CNTLN: variants seen among roughly 807,000 people sequenced by gnomAD.
CNTLN encodes the protein centlein, centrosomal protein.
A neutral mutation model predicts 180.0 loss-of-function variants in CNTLN; 212 were observed. The ratio of observed to expected loss-of-function variants is 1.18; its 90% CI spans 1.05 to 1.32. The LOEUF is 1.32. CNTLN is among the 40% of genes most tolerant of loss of function. The probability of loss-of-function intolerance (pLI) is 0.00; values close to 1 mark genes in which losing one functional copy is unlikely to be tolerated. For synonymous variants in CNTLN, 722 were observed against 563.1 expected (o/e 1.28, Z -3.99); for missense variants, 2,095 against 1,610.9 (o/e 1.30, Z -5.14).
chr9:17,154,802 C>T (rs373891988), intron 2 of CNTLN, among the ~76,000 whole-genome samples: 61 of 152,268 alleles, frequency 4.0e-4, no homozygotes, highest in African/African-American at 1.2e-3. Flanking sequence ...ATTATCAGGA[C>T]GTGGGCGGGG....
At chr9:17,137,189 C>T (rs1218227051) in intron 1 of CNTLN, among the ~76,000 whole-genome samples, 3 of 152,114 alleles carry the variant, frequency 2.0e-5, no homozygotes, top group African/African-American at 4.8e-5. Context: ...TGTAAGAATA[C>T]AGAGATGGTC....
At chr9:17,294,516 C>T (rs755889236) in intron 6 of CNTLN, among the ~76,000 whole-genome samples, 4 of 151,220 alleles carry the variant, frequency 2.6e-5, no homozygotes, top group Non-Finnish European at 5.9e-5. Context: ...TGTTCACAAA[C>T]CTTGAGCTAG....
At chr9:17,275,422 G>C (rs934760012) in intron 6 of CNTLN, among the ~76,000 whole-genome samples, 1 of 151,968 alleles carries the variant, frequency 6.6e-6, no homozygotes, top group African/African-American at 2.4e-5. Flanking sequence ...TTCACTAATT[G>C]ATCAACTACT....
rs566593527 is a variant in CNTLN, at chr9:17,467,540, A to G, written c.3855+649A>G. Among the ~76,000 whole-genome samples the G allele has an allele frequency of 2.6e-5, 4 of 151,798 alleles. No individual in the cohort carries two copies. The East Asian group carries it at 5.8e-4, about 22-fold the overall frequency. ...TTGGGAGTTTTCTCATTTTAAAAAT[A>G]TCTGCAAAATGAATTGATAAAACAT... On this transcript the variant is annotated intron_variant, in intron 23 of 25. Transcript: ENST00000380647.
intron 12 of CNTLN, among the ~76,000 whole-genome samples, chr9:17,351,742 T>C (rs1013880638): frequency 6.6e-6 from 1 of 152,192 alleles, no homozygotes; most frequent in African/African-American, 2.4e-5. Flanking sequence ...TCTTCATATC[T>C]ATTTTCAACA....
the CNTLN span, among the ~76,000 whole-genome samples, chr9:17,517,400 CAA>C: frequency 8.6e-6 from 1 of 115,884 alleles, no homozygotes; most frequent in African/African-American, 3.0e-5. Context: ...TCAAACAAAA[CAA>C]AAAAAAAAAG....
chr9:17,376,569 A>G (rs903330595), intron 13 of CNTLN, among the ~76,000 whole-genome samples: 13 of 151,716 alleles, frequency 8.6e-5, no homozygotes, highest in Non-Finnish European at 1.6e-4. Context: ...CTCCTGCCTC[A>G]GCCTCCCAAG....
chr9:17,168,587 T>C (rs1820235027), intron 2 of CNTLN: 3 of 152,196 alleles, frequency 2.0e-5, no homozygotes. Context: ...TATGTGATCT[T>C]CGATTAATTT....
At chr9:17,273,929 C>A (rs1298959818) in intron 6 of CNTLN, 63 bp downstream of exon 6, 8 of 1,189,076 alleles carry the variant, frequency 6.7e-6, no homozygotes, top group Non-Finnish European at 9.4e-6. Flanking sequence ...AGAATGATAC[C>A]ATTTATACTT....
At chr9:17,431,259 A>C (rs1466928759) in intron 18 of CNTLN, among the ~76,000 whole-genome samples, 6 of 152,144 alleles carry the variant, frequency 3.9e-5, no homozygotes, top group Admixed American at 3.9e-4. Context: ...CTGGGGTGAG[A>C]TGATACCTCA....
chr9:17,380,447 C>T (rs1268191028), intron 13 of CNTLN, among the ~76,000 whole-genome samples: 1 of 152,166 alleles, frequency 6.6e-6, no homozygotes, highest in Admixed American at 6.5e-5. Context: ...ACGTGTGTAA[C>T]AGTGTGATTG....
At chr9:17,458,453 C>T (rs192548909) in intron 19 of CNTLN, among the ~76,000 whole-genome samples, 1 of 151,938 alleles carries the variant, frequency 6.6e-6, no homozygotes, top group South Asian at 2.1e-4. Context: ...ATATATGGGA[C>T]CATTGCTATA....
chr9:17,292,851 G>A (rs574236536), intron 6 of CNTLN, among the ~76,000 whole-genome samples: 27 of 152,094 alleles, frequency 1.8e-4, no homozygotes, highest in African/African-American at 6.3e-4. Context: ...TCCTAGAGAG[G>A]TATTATGATC....
chr9:17,243,800 A>G (rs991667003), intron 5 of CNTLN, among the ~76,000 whole-genome samples: 1 of 152,178 alleles, frequency 6.6e-6, no homozygotes, highest in East Asian at 1.9e-4. Flanking sequence ...TGGATAAAAT[A>G]TGGTGTAAAT....
intron 2 of CNTLN, among the ~76,000 whole-genome samples, chr9:17,214,150 C>G (rs953153485): frequency 2.6e-5 from 4 of 152,130 alleles, no homozygotes; most frequent in Non-Finnish European, 5.9e-5. Context: ...TTCCTAGCCT[C>G]GATGGTCTTT....
At chr9:17,316,676 A>G (rs1179729370) in intron 8 of CNTLN, among the ~76,000 whole-genome samples, 2 of 151,840 alleles carry the variant, frequency 1.3e-5, no homozygotes, top group African/African-American at 2.4e-5. Flanking sequence ...TAAATCTGCA[A>G]TTTTGCTATT....
chr9:17,149,252 A>G (rs1220368622), intron 2 of CNTLN, among the ~76,000 whole-genome samples: 1 of 152,100 alleles, frequency 6.6e-6, no homozygotes, highest in South Asian at 2.1e-4. Flanking sequence ...ACTCTTTGCT[A>G]TTGTGAATAC....
At chr9:17,242,604 C>T (rs762702435) in intron 5 of CNTLN, among the ~76,000 whole-genome samples, 8 of 152,212 alleles carry the variant, frequency 5.3e-5, no homozygotes, top group South Asian at 2.1e-4. Context: ...AGCCACCACA[C>T]CTGGCCAGGT....
intron 10 of CNTLN, among the ~76,000 whole-genome samples, chr9:17,338,318 T>C (rs7038064): frequency 0.54 from 74,926 of 139,412 alleles, 20,983 homozygotes; most frequent in East Asian, 0.73. Context: ...GCACCTGCTA[T>C]CACTCCTGGC....
Sources: gnomAD v4.1 joint callset for allele counts (sites outside exome capture counted in the v4.1 genomes callset) on GRCh38, gnomAD v4.1.1 for gene constraint, MANE v1.5 for transcripts, NCBI Gene and HGNC (gene_info 2026-07-23, HGNC 2026-07-21) for gene names.